The following ITIH5 variants were observed in gnomAD, a reference collection of about 807,000 sequenced individuals.
The protein encoded by ITIH5 is inter-alpha-trypsin inhibitor heavy chain H5.
A neutral mutation model predicts 77.5 loss-of-function variants in ITIH5; 65 were observed. That is an observed-to-expected ratio of 0.84 (90% CI 0.69 to 1.03). ITIH5 has a LOEUF of 1.03. Ranked by LOEUF, ITIH5 falls within the 50% of genes least tolerant of loss-of-function variation. The probability of loss-of-function intolerance (pLI) is 0.00; values close to 1 mark genes in which losing one functional copy is unlikely to be tolerated. For synonymous variants in ITIH5, 525 were observed against 494.3 expected, an observed-to-expected ratio of 1.06 and a Z score of -0.82; for missense variants, 1,208 against 1,213.1, an observed-to-expected ratio of 1.00 and a Z score of 0.06.
Position 7,660,379 on chromosome 10 carries a change from C to CACAGGA in ITIH5, c.91-4710_91-4705dup, listed in dbSNP as rs200085959. On this transcript the variant is annotated intron_variant, in intron 1 of 13. Transcript: ENST00000397146. ...GAAAGTGAAAGAGAATCAGGTTCAA[C>CACAGGA]ACAGGAACAATCCTCAGAAAATCAA... 1.4e-3 allele frequency among the ~76,000 whole-genome samples: 211 copies of CACAGGA among 152,246 alleles called. 4 individuals are homozygous for CACAGGA. The East Asian group carries it at 0.039, about 28-fold the overall frequency.
rs10795557 is a variant in ITIH5, at chr10:7,602,133, T to C, written c.939+13849A>G. Reference sequence around the variant, plus strand: ...CCTCCCAAAGTGCTGGGATTACAGGTGTGAGCCACCATGCCTGGCCTAAGG... The same window carrying C: ...CCTCCCAAAGTGCTGGGATTACAGGCGTGAGCCACCATGCCTGGCCTAAGG... On this transcript the variant is annotated intron_variant, in intron 7 of 13. Transcript: ENST00000397146. 6.7e-3 allele frequency among the ~76,000 whole-genome samples: 1,022 copies of C among 152,146 alleles called. 14 individuals carry two copies. Among genetic ancestry groups the C allele is most frequent in the African/African-American group, 0.023 (962 of 41,490 alleles).
intron 5 of ITIH5, among the ~76,000 whole-genome samples, chr10:7,634,577 C>CA (rs1833768558): frequency 6.6e-6 from 1 of 152,234 alleles, no homozygotes; most frequent in Non-Finnish European, 1.5e-5. Flanking sequence ...GAGACACTAA[C>CA]AGGCCCCGAA....
intron 5 of ITIH5, among the ~76,000 whole-genome samples, chr10:7,629,030 T>C (rs1315169182): frequency 1.4e-5 from 2 of 139,244 alleles, no homozygotes; most frequent in African/African-American, 5.1e-5. Context: ...TTTTCACATG[T>C]GTCCCTGTTG....
chr10:7,580,084 A>C lies in ITIH5; in HGVS notation c.1109-20T>G, dbSNP rs12256183. On this transcript the variant is annotated intron_variant, in intron 8 of 13. Coordinates refer to ENST00000397146, the MANE Select transcript of ITIH5 (RefSeq NM_030569.7). ...CTGTGCCTGCAGGACACCAACACGG[A>C]ACAGCTCAAGCCTCTGCACTCACCT... 5.0e-5 allele frequency: 79 copies of C among 1,571,196 alleles called. No individual in the cohort carries two copies. Among genetic ancestry groups the C allele is most frequent in the Admixed American group, 9.2e-5 (5 of 54,304 alleles).
intron 11 of ITIH5, chr10:7,572,870 C>T: frequency 3.8e-6 from 1 of 265,332 alleles, no homozygotes. Flanking sequence ...CTCAACTTCC[C>T]AGGTTCAAGT....
At chr10:7,609,457 G>A (rs1239854859) in intron 7 of ITIH5, 1 of 456,656 alleles carries the variant, frequency 2.2e-6, no homozygotes, top group East Asian at 6.9e-5. Flanking sequence ...ATAGCCCTTG[G>A]GAACCCAATT....
In ITIH5 at chr10:7,566,193, C is replaced by A; in HGVS notation, c.2364G>T (p.Val788=). ...TGACATTGGCGTTGGCAGACACGGA[C>A]ACCTCCAGCCCCCAGCTCCCCACCA... The part of the protein sequence containing the change: ...SVVVGSWGLE[V]SVSANANVTV... The change falls in exon 13 of 14, where the codon GTG becomes GTT. Residue 788 remains valine, a synonymous_variant. Transcript: ENST00000397146. 6.2e-7 allele frequency: 1 copy of A among 1,613,986 alleles called. No homozygotes were observed. The highest frequency in any genetic ancestry group is 8.5e-7 in the Non-Finnish European group (1 of 1,179,980).
chr10:7,655,121 G>C (rs1834159385), intron 2 of ITIH5, among the ~76,000 whole-genome samples: 1 of 152,156 alleles, frequency 6.6e-6, no homozygotes, highest in Admixed American at 6.5e-5. Flanking sequence ...TCTACATTTT[G>C]ATATTTCACT....
chr10:7,598,648 ACT>A (rs1832956114), intron 7 of ITIH5, among the ~76,000 whole-genome samples: 1 of 152,100 alleles, frequency 6.6e-6, no homozygotes, highest in Non-Finnish European at 1.5e-5. Flanking sequence ...TAATATCGCA[ACT>A]CTGATTCAAA....
At chr10:7,610,045 C>G (rs372899554) in intron 7 of ITIH5, among the ~76,000 whole-genome samples, 1 of 150,674 alleles carries the variant, frequency 6.6e-6, no homozygotes, top group South Asian at 2.1e-4. Flanking sequence ...TTTCTCCCCC[C>G]TCCCTTTCTT....
intron 7 of ITIH5, among the ~76,000 whole-genome samples, chr10:7,594,280 G>A (rs976847363): frequency 2.0e-5 from 3 of 152,160 alleles, no homozygotes; most frequent in African/African-American, 4.8e-5. Flanking sequence ...TCCAGTGCAG[G>A]TGATGGACAC....
intron 4 of ITIH5, among the ~76,000 whole-genome samples, chr10:7,637,679 A>C (rs1361553698): frequency 6.6e-6 from 1 of 152,178 alleles, no homozygotes; most frequent in Non-Finnish European, 1.5e-5. Flanking sequence ...TAGGTCACGA[A>C]GGGTCAAAGA....
intron 2 of ITIH5, among the ~76,000 whole-genome samples, chr10:7,649,166 C>T (rs1404324202): frequency 1.3e-5 from 2 of 152,058 alleles, no homozygotes; most frequent in Admixed American, 1.3e-4. Context: ...TGTCCTTCTC[C>T]TTCCCCTTCC....
At chr10:7,643,755 C>T (rs1235975542) in intron 2 of ITIH5, among the ~76,000 whole-genome samples, 2 of 152,338 alleles carry the variant, frequency 1.3e-5, no homozygotes, top group East Asian at 3.9e-4. Flanking sequence ...CGACCTATTG[C>T]TATCAAAGAC....
intron 12 of ITIH5, 44 bp downstream of exon 12, chr10:7,569,624 T>C (rs1389338644): frequency 2.3e-6 from 3 of 1,305,364 alleles, no homozygotes; most frequent in Admixed American, 4.0e-5. Context: ...ATGCAGTACC[T>C]ACCTGGTCCT....
chr10:7,647,472 T>C (rs1414390739), intron 2 of ITIH5, among the ~76,000 whole-genome samples: 2 of 152,182 alleles, frequency 1.3e-5, no homozygotes, highest in Non-Finnish European at 2.9e-5. Context: ...GCCAGAAGAA[T>C]CACCCAGCTG....
intron 7 of ITIH5, among the ~76,000 whole-genome samples, chr10:7,611,913 ATT>A (rs55973419): frequency 2.0e-4 from 28 of 141,532 alleles, no homozygotes; most frequent in African/African-American, 6.0e-4. Context: ...TCCACCTGCA[ATT>A]TTTTTTTTTT....
At chr10:7,640,001 T>G (rs1485465853) in intron 4 of ITIH5, among the ~76,000 whole-genome samples, 1 of 151,924 alleles carries the variant, frequency 6.6e-6, no homozygotes, top group African/African-American at 2.4e-5. Flanking sequence ...AATATAAAAA[T>G]GTGAATGCAG....
chr10:7,584,417 C>T (rs1272371525), intron 8 of ITIH5, among the ~76,000 whole-genome samples: 1 of 151,750 alleles, frequency 6.6e-6, no homozygotes, highest in Non-Finnish European at 1.5e-5. Context: ...AATTCTCCTG[C>T]CTCAGCCTCC....
Sources: gnomAD v4.1 joint callset for allele counts (sites outside exome capture counted in the v4.1 genomes callset) on GRCh38, gnomAD v4.1.1 for gene constraint, MANE v1.5 for transcripts, NCBI Gene and HGNC (gene_info 2026-07-23, HGNC 2026-07-21) for gene names.